The following MORN1 variants were observed in gnomAD, a reference collection of about 807,000 sequenced individuals.
MORN1 encodes MORN repeat-containing protein 1.
Under a neutral mutation model 61.9 loss-of-function variants are expected in MORN1, and 67 were observed. That is an observed-to-expected ratio of 1.08 (90% confidence interval 0.89 to 1.33). The LOEUF (loss-of-function observed/expected upper bound fraction) is 1.33. Among genes scored for constraint, MORN1 ranks in the 40% most tolerant of loss-of-function variants. MORN1 has a pLI of 0.00. For missense variants in MORN1, 752 were observed against 691.2 expected, an observed-to-expected ratio of 1.09 and a Z score of -0.99; for synonymous variants, 301 against 292.0, an observed-to-expected ratio of 1.03 and a Z score of -0.31.
chr1:2,341,261 G>A (rs551880410), intron 10 of MORN1, among the ~76,000 whole-genome samples: 72 of 152,294 alleles, frequency 4.7e-4, no homozygotes, highest in African/African-American at 1.6e-3. Context: ...GCTGCTGACC[G>A]TGCGATGGCC....
In MORN1 at chr1:2,358,663, C is replaced by G. The variant is rs749197736; in HGVS notation, c.798G>C (p.Leu266=). The G allele has an allele frequency of 1.2e-6, 2 of 1,613,996 alleles. No homozygotes were observed. The highest frequency in any genetic ancestry group is 1.1e-5 in the South Asian group (1 of 91,050). Residue 266 remains leucine (L), a synonymous_variant, in exon 9 of 14, where the codon CTG becomes CTC. Coordinates refer to ENST00000378531, the MANE Select transcript of MORN1 (RefSeq NM_024848.3). The part of the protein sequence containing the change: ...QISAGVRYVQ[L]SAYSEVNFFK... Reference sequence around the variant, plus strand: ...AAAAGTTGACCTCAGAGTAGGCTGACAGCTGCACGTATCTGACGCCCGCTG... The same window carrying G: ...AAAAGTTGACCTCAGAGTAGGCTGAGAGCTGCACGTATCTGACGCCCGCTG...
In MORN1 at chr1:2,384,883, A is replaced by G. The variant is rs1475611495; in HGVS notation, c.537+95T>C. On this transcript the variant is annotated intron_variant, in intron 6 of 13. Coordinates refer to ENST00000378531, the MANE Select transcript of MORN1 (RefSeq NM_024848.3). The stretch of plus-strand genomic sequence containing the variant: ...AATCGCAGGGCCTGGCACATGGAGA[A>G]GCTGCCAGGGTGAGGCTCCCCATAC... 5 of 1,071,672 alleles carry G rather than the reference A, an allele frequency of 4.7e-6. No homozygotes were observed. In the African/African-American group the frequency reaches 4.8e-5, roughly 10 times the overall value. 66.4% of individuals were successfully genotyped at this position (1,071,672 alleles called of 1,614,324 possible).
intron 7 of MORN1, among the ~76,000 whole-genome samples, chr1:2,373,721 C>T (rs972173330): frequency 6.6e-6 from 1 of 152,192 alleles, no homozygotes; most frequent in African/African-American, 2.4e-5. Flanking sequence ...GGCACCTGGC[C>T]ACTCCTGCCT....
chr1:2,356,845 C>G (rs1316316200), intron 10 of MORN1, among the ~76,000 whole-genome samples: 1 of 152,220 alleles, frequency 6.6e-6, no homozygotes, highest in South Asian at 2.1e-4. Flanking sequence ...GGAATGATCC[C>G]TGTGAAGTCT....
chr1:2,380,209 G>A (rs34337365), intron 6 of MORN1, among the ~76,000 whole-genome samples: 47,115 of 152,134 alleles, frequency 0.31, 7,488 homozygotes, highest in Non-Finnish European at 0.34. Flanking sequence ...AACAGTGGCT[G>A]CCAGGGGTTG....
At chr1:2,371,839 C>A in intron 8 of MORN1, 2 of 174,014 alleles carry the variant, frequency 1.1e-5, no homozygotes, top group Non-Finnish European at 2.5e-5. Context: ...ACGCGGGAGG[C>A]GGAGGTTGCG....
chr1:2,390,464 C>A, intron 1 of MORN1: 1 of 985,412 alleles, frequency 1.0e-6, no homozygotes, highest in South Asian at 4.7e-5. Context: ...CACACTCATA[C>A]CCAAGGATGG....
intron 6 of MORN1, among the ~76,000 whole-genome samples, chr1:2,379,978 C>G (rs1435079788): frequency 1.3e-5 from 2 of 152,194 alleles, no homozygotes; most frequent in Non-Finnish European, 1.5e-5. Flanking sequence ...GAAGCCTCCC[C>G]AGAGTCCACC....
intron 12 of MORN1, among the ~76,000 whole-genome samples, chr1:2,324,420 C>T (rs778609904): frequency 2.0e-5 from 3 of 152,184 alleles, no homozygotes; most frequent in Non-Finnish European, 2.9e-5. Flanking sequence ...GGAGTGGGAC[C>T]GACCACCCCA....
chr1:2,333,563 G>T (rs556067819), intron 12 of MORN1, among the ~76,000 whole-genome samples: 1 of 152,230 alleles, frequency 6.6e-6, no homozygotes. Context: ...GACCTCAGGG[G>T]TCTCCTGGGA....
At chr1:2,335,847 G>GCCCAGCC (rs1557870549) in intron 12 of MORN1, among the ~76,000 whole-genome samples, 5 of 134,826 alleles carry the variant, frequency 3.7e-5, no homozygotes, top group African/African-American at 2.0e-4. Flanking sequence ...CCAGCCCAGC[G>GCCCAGCC]CGCAGCTGCC....
chr1:2,347,639 G>A (rs542446917), intron 10 of MORN1, among the ~76,000 whole-genome samples: 53 of 152,244 alleles, frequency 3.5e-4, no homozygotes, highest in Admixed American at 1.4e-3. Flanking sequence ...ACGGGGCCAC[G>A]CAGGTGTCCT....
chr1:2,325,248 C>G (rs897940111), intron 12 of MORN1, among the ~76,000 whole-genome samples: 7 of 113,302 alleles, frequency 6.2e-5, no homozygotes, highest in African/African-American at 2.0e-4. Flanking sequence ...CTTCCTCTCT[C>G]TCTCTCCTCT....
rs201113917 is a variant in MORN1, at chr1:2,325,195, CCTT to C, written c.1251-1055_1251-1053del. On this transcript the variant is annotated intron_variant, in intron 12 of 13. Coordinates refer to ENST00000378531, the MANE Select transcript of MORN1 (RefSeq NM_024848.3). ...TTTCCTTCCTTCCCTTCCTTCACTT[CCTT>C]CTTTTTTTTCTTTCTTCTTTTCTTT... is the stretch of plus-strand genomic sequence containing the variant. 7.1e-3 allele frequency among the ~76,000 whole-genome samples: 903 copies of C among 127,630 alleles called. 40 individuals carry two copies. Among genetic ancestry groups the C allele is most frequent in the African/African-American group, 0.028 (845 of 29,740 alleles). The allele number at this position is 127,630 out of a possible 152,430, so 83.7% of individuals were successfully genotyped here.
chr1:2,348,061 G>T (rs1181621129), intron 10 of MORN1, among the ~76,000 whole-genome samples: 1 of 152,128 alleles, frequency 6.6e-6, no homozygotes, highest in African/African-American at 2.4e-5. Flanking sequence ...GATGTCCCTC[G>T]CAGGAAGGAG....
intron 8 of MORN1, among the ~76,000 whole-genome samples, chr1:2,363,811 A>AAAAAAAAAT (rs1199100386): frequency 3.7e-5 from 5 of 135,094 alleles, no homozygotes; most frequent in Non-Finnish European, 7.7e-5. Flanking sequence ...CAAACAAAAA[A>AAAAAAAAAT]ATATATATAT....
At chr1:2,349,444 C>A (rs556261417) in intron 10 of MORN1, among the ~76,000 whole-genome samples, 1 of 152,224 alleles carries the variant, frequency 6.6e-6, no homozygotes, top group Admixed American at 6.5e-5. Context: ...GCCACACGCA[C>A]ATCCCGAAGT....
intron 10 of MORN1, among the ~76,000 whole-genome samples, chr1:2,347,918 G>A (rs1237050786): frequency 6.6e-6 from 1 of 152,220 alleles, no homozygotes; most frequent in Non-Finnish European, 1.5e-5. Flanking sequence ...TGCTGAATTT[G>A]CTCCTCACTC....
At chr1:2,330,527 G>A (rs1641126468) in intron 12 of MORN1, among the ~76,000 whole-genome samples, 1 of 152,232 alleles carries the variant, frequency 6.6e-6, no homozygotes, top group African/African-American at 2.4e-5. Flanking sequence ...GACAGAGCCA[G>A]GAAGGGGCTC....
Sources: allele counts gnomAD v4.1 joint callset (sites outside exome capture counted in the v4.1 genomes callset), GRCh38; gene constraint gnomAD v4.1.1; transcripts MANE v1.5; gene names NCBI Gene and HGNC (gene_info 2026-07-23, HGNC 2026-07-21).